The following MYOM3 variants were observed in gnomAD, a reference collection of about 807,000 sequenced individuals.
MYOM3 encodes the protein myomesin-3.
Under a neutral mutation model 191.7 loss-of-function variants are expected in MYOM3, and 155 were observed. That is an observed-to-expected ratio of 0.81 (90% confidence interval 0.71 to 0.92). The LOEUF (loss-of-function observed/expected upper bound fraction) is 0.92, where lower values mean the gene tolerates loss of function less well. MYOM3 is among the 40% of genes least tolerant of loss of function. The pLI, the probability that MYOM3 is intolerant of heterozygous loss-of-function variation, is 0.00. For synonymous variants in MYOM3, 757 were observed against 762.9 expected, an observed-to-expected ratio of 0.99 and a Z score of 0.13; for missense variants, 1,889 against 1,890.6, an observed-to-expected ratio of 1.00 and a Z score of 0.02.
chr1:24,071,847 C>T, intron 24 of MYOM3, 122 bp downstream of exon 24: 1 of 1,017,594 alleles, frequency 9.8e-7, no homozygotes, highest in Non-Finnish European at 1.6e-6. Flanking sequence ...CTCTGTGATT[C>T]TCCCACCCTC....
intron 14 of MYOM3, among the ~76,000 whole-genome samples, chr1:24,088,427 T>C (rs1643773329): frequency 6.6e-6 from 1 of 152,212 alleles, no homozygotes; most frequent in Admixed American, 6.5e-5. Context: ...TATCATTTTA[T>C]GGAAGAAGAA....
intron 9 of MYOM3, among the ~76,000 whole-genome samples, chr1:24,093,994 G>T (rs539017305): frequency 2.0e-5 from 3 of 151,934 alleles, no homozygotes; most frequent in Admixed American, 6.6e-5. Flanking sequence ...TCAAGGCCTC[G>T]CCTGAGACAT....
At chr1:24,067,213 G>T in intron 27 of MYOM3, 125 bp from the exon 28 acceptor site, 1 of 905,304 alleles carries the variant, frequency 1.1e-6, no homozygotes, top group Non-Finnish European at 1.7e-6. Context: ...TGCTGCCTCT[G>T]CCAGGGCTGG....
At chr1:24,065,533 C>T (rs982108097) in intron 29 of MYOM3, among the ~76,000 whole-genome samples, 1 of 152,160 alleles carries the variant, frequency 6.6e-6, no homozygotes, top group Non-Finnish European at 1.5e-5. Flanking sequence ...CCAACCCGCT[C>T]ATGTTGCAGA....
Position 24,086,639 on chromosome 1 carries a change from G to C in MYOM3, c.1798+5C>G, listed in dbSNP as rs921920531. The C allele has an allele frequency of 1.2e-6, 2 of 1,612,490 alleles. No individual in the cohort carries two copies. The highest frequency in any genetic ancestry group is 1.7e-5 in the Admixed American group (1 of 59,904). ...CCTCCCCGACCCCCGGCATCAGGAG[G>C]GTACCTGGCGGGCCCCGCAAGGCGA... On this transcript the variant is annotated splice_donor_5th_base_variant and intron_variant, in intron 15 of 36. Transcript: ENST00000374434.
chr1:24,101,761 A>T (rs1643938424), intron 5 of MYOM3, among the ~76,000 whole-genome samples: 1 of 152,192 alleles, frequency 6.6e-6, no homozygotes, highest in South Asian at 2.1e-4. Flanking sequence ...CAAAAAAAAA[A>T]TTTGTTTTTC....
intron 1 of MYOM3, among the ~76,000 whole-genome samples, chr1:24,109,553 T>C (rs892361619): frequency 1.3e-5 from 2 of 152,242 alleles, no homozygotes; most frequent in African/African-American, 4.8e-5. Context: ...GTAATTATTT[T>C]GTATCTGTGC....
chr1:24,063,062 C>T lies in MYOM3; in HGVS notation c.3770+64G>A, dbSNP rs1643391107. On this transcript the variant is annotated intron_variant, in intron 32 of 36. Transcript: ENST00000374434. The surrounding 1 kb of genome is among the most constrained non-coding windows in gnomAD (Gnocchi z 4.5). ...CCAGGCAGGGAGAAGGGAGGGAGGC[C>T]CCCATGGGTCAGGTGCTGAATCCTT... 9.2e-7 allele frequency: 1 copy of T among 1,087,882 alleles called. No homozygotes were observed. Among genetic ancestry groups the T allele is most frequent in the Non-Finnish European group, 1.4e-6 (1 of 706,240 alleles). The allele number at this position is 1,087,882 out of a possible 1,614,324, so 67.4% of individuals were successfully genotyped here.
intron 19 of MYOM3, 86 bp from the exon 20 acceptor site, chr1:24,080,280 A>C (rs1260189695): frequency 9.1e-7 from 1 of 1,098,870 alleles, no homozygotes; most frequent in African/African-American, 1.6e-5. Flanking sequence ...GCAGTCAGTC[A>C]ACAAGCTTGT....
At chr1:24,085,076 G>A (rs72877687) in intron 15 of MYOM3, among the ~76,000 whole-genome samples, 3,651 of 151,890 alleles carry the variant, frequency 0.024, 127 homozygotes, top group African/African-American at 0.081. Context: ...ATGGTTGGTT[G>A]AATGAATGGA....
Position 24,090,854 on chromosome 1 carries a change from AG to A in MYOM3, c.1374del (p.Ser459ProfsTer40). 6.2e-7 allele frequency: 1 copy of A among 1,614,078 alleles called. No individual in the cohort carries two copies. The highest frequency in any genetic ancestry group is 8.5e-7 in the Non-Finnish European group (1 of 1,179,984). On this transcript the variant is annotated frameshift_variant, in exon 12 of 37. Coordinates refer to ENST00000374434, the MANE Select transcript of MYOM3 (RefSeq NM_152372.4). LOFTEE classifies it high-confidence loss of function. ...ATGACAACCAACTCTGAGGCCTTGG[AG>A]GGGACGCTGCTGCCTACCCTGCTGA... ...RAISRVGSSV[P>X]SKASELVVMG...
chr1:24,094,892 C>A lies in MYOM3; in HGVS notation c.889G>T (p.Asp297Tyr). Residue 297 changes from aspartate (D) to tyrosine (Y), a missense_variant, in exon 9 of 37, where the codon GAT (aspartate) becomes TAT (tyrosine). Physicochemically the swap from Asp to Tyr is radical, Grantham distance 160 (BLOSUM62 -3). Coordinates refer to ENST00000374434, the MANE Select transcript of MYOM3 (RefSeq NM_152372.4). ...PFSLSCLFSE[D>Y]VLDAESIQWF... ...TGGATGCTCTCAGCATCTAACACAT[C>A]TTCCGAAAACAAGCATGACAGGGAG... 6.2e-7 allele frequency: 1 copy of A among 1,614,072 alleles called. No individual in the cohort carries two copies. Among genetic ancestry groups the A allele is most frequent in the Non-Finnish European group, 8.5e-7 (1 of 1,179,980 alleles).
chr1:24,109,671 C>T (rs1026584109), intron 1 of MYOM3, among the ~76,000 whole-genome samples: 1 of 152,228 alleles, frequency 6.6e-6, no homozygotes, highest in South Asian at 2.1e-4. Context: ...CCAGTCCCTG[C>T]AATAACCCAA....
chr1:24,083,301 C>CT (rs1365598890), intron 16 of MYOM3: 2 of 152,250 alleles, frequency 1.3e-5, no homozygotes, highest in African/African-American at 4.8e-5. Context: ...AGGCCTTCAT[C>CT]TTTCTTCCAT....
Position 24,090,861 on chromosome 1 carries a change from G to A in MYOM3, c.1368C>T (p.Ser456=), listed in dbSNP as rs376945500. The change falls in exon 12 of 37, where the codon AGC becomes AGT. Residue 456 remains serine, a synonymous_variant. Transcript: ENST00000374434. ...RVRAISRVGS[S]VPSKASELVV... The stretch of plus-strand genomic sequence containing the variant: ...CCAACTCTGAGGCCTTGGAGGGGAC[G>A]CTGCTGCCTACCCTGCTGATGGCTC... 36 of 1,614,006 alleles carry A rather than the reference G, an allele frequency of 2.2e-5. No individual in the cohort carries two copies. The highest frequency in any genetic ancestry group is 1.6e-4 in the Middle Eastern group (1 of 6,084).
intron 28 of MYOM3, chr1:24,066,307 G>T (rs551938739): frequency 1.4e-6 from 1 of 695,902 alleles, no homozygotes; most frequent in Non-Finnish European, 2.6e-6. Context: ...TGCCCCATCC[G>T]GGTCAAGCAT....
intron 28 of MYOM3, 80 bp from the exon 29 acceptor site, chr1:24,066,081 C>T: frequency 2.2e-6 from 2 of 899,302 alleles, no homozygotes; most frequent in Admixed American, 3.4e-5. Flanking sequence ...CACTTTCAGG[C>T]ATCTCAGTGG....
chr1:24,068,063 G>A (rs537496604), intron 26 of MYOM3, 34 bp from the exon 27 acceptor site: 47 of 1,612,248 alleles, frequency 2.9e-5, no homozygotes, highest in African/African-American at 2.8e-4. Context: ...GGCATGAGCC[G>A]AGAGGAGTGT....
At position 24,111,102 on chromosome 1, in the gene MYOM3, A is replaced by G. The variant is rs894152338; in HGVS notation, c.-19+929T>C. On this transcript the variant is annotated intron_variant, in intron 1 of 36. Coordinates refer to ENST00000374434, the MANE Select transcript of MYOM3 (RefSeq NM_152372.4). The surrounding 1 kb of genome is among the most constrained non-coding windows in gnomAD (Gnocchi z 4.7). The stretch of plus-strand genomic sequence containing the variant: ...TTTAAAGCACTGACTGATGCGTGGT[A>G]TTAAGCAGGGACAAGTTTGCGGCCT... 1.3e-5 allele frequency among the ~76,000 whole-genome samples: 2 copies of G among 152,244 alleles called. No individual in the cohort carries two copies. Among genetic ancestry groups the G allele is most frequent in the Non-Finnish European group, 2.9e-5 (2 of 68,034 alleles).
Sources: gnomAD v4.1 joint callset for allele counts (sites outside exome capture counted in the v4.1 genomes callset) on GRCh38, gnomAD v4.1.1 for gene constraint, Gnocchi (gnomAD v3.1) non-coding constraint, MANE v1.5 for transcripts, NCBI Gene and HGNC (gene_info 2026-07-23, HGNC 2026-07-21) for gene names.